The following MLLT6 variants were observed in gnomAD, a reference collection of about 807,000 sequenced individuals.
MLLT6 encodes the protein MLLT6, PHD finger containing.
In MLLT6, 22 loss-of-function variants were observed where a neutral mutation model predicts 103.0. The ratio of observed to expected loss-of-function variants is 0.21; its 90% CI spans 0.15 to 0.31. The LOEUF is 0.31. MLLT6 is among the 10% of genes least tolerant of loss of function. The pLI is 1.00. For synonymous variants in MLLT6, 606 were observed against 623.5 expected, an observed-to-expected ratio of 0.97 and a Z score of 0.42; for missense variants, 1,199 against 1,441.7, an observed-to-expected ratio of 0.83 and a Z score of 2.73.
chr17:38,714,736 T>TC (rs1905263527), intron 8 of MLLT6: 1 of 152,336 alleles, frequency 6.6e-6, no homozygotes, highest in Non-Finnish European at 1.5e-5. Context: ...AGAGTGAAAC[T>TC]CCATCTCAAA....
chr17:38,707,638 C>G, intron 3 of MLLT6, 98 bp downstream of exon 3: 1 of 1,366,664 alleles, frequency 7.3e-7, no homozygotes. Context: ...GGTTTCCTTT[C>G]CCTGGCTGGC....
Position 38,720,514 on chromosome 17 carries a change from T to TGCCCTGCCTGCC in MLLT6, c.2302_2313dup (p.Leu768_Ala771dup), listed in dbSNP as rs761548706. The TGCCCTGCCTGCC allele has an allele frequency of 3.1e-6, 5 of 1,612,274 alleles. No individual in the cohort carries two copies. Among genetic ancestry groups the TGCCCTGCCTGCC allele is most frequent in the Admixed American group, 1.7e-5 (1 of 59,864 alleles). On this transcript the variant is annotated inframe_insertion, in exon 15 of 20. Coordinates refer to ENST00000621332, the MANE Select transcript of MLLT6 (RefSeq NM_005937.4). ...CTGTGCCCTTCCCTGCCCTGCCTGCTGCCCTGCCTGCCGCCAACGGCCCTG... is the reference window on the plus strand; with the variant it reads ...CTGTGCCCTTCCCTGCCCTGCCTGCTGCCCTGCCTGCCGCCCTGCCTGCCGCCAACGGCCCTG...
Position 38,720,469 on chromosome 17 carries a change from G to A in MLLT6, c.2253G>A (p.Gln751=), listed in dbSNP as rs1208726378. ...LSLTAKKERL[Q]ILNVQLSVPF... is the part of the protein sequence containing the mutation. Reference sequence around the variant, plus strand: ...TGACGGCCAAAAAGGAGCGGCTGCAGATTCTCAACGTGCAGCTCTCTGTGC... The same window carrying A: ...TGACGGCCAAAAAGGAGCGGCTGCAAATTCTCAACGTGCAGCTCTCTGTGC... Residue 751 remains glutamine (Q), a synonymous_variant, in exon 15 of 20, where the codon CAG becomes CAA. Coordinates refer to ENST00000621332, the MANE Select transcript of MLLT6 (RefSeq NM_005937.4). 6.2e-7 allele frequency: 1 copy of A among 1,612,844 alleles called. No homozygotes were observed. Among genetic ancestry groups the A allele is most frequent in the East Asian group, 2.2e-5 (1 of 44,888 alleles).
intron 1 of MLLT6, 74 bp from the exon 2 acceptor site, chr17:38,706,876 G>A (rs1214987130): frequency 2.3e-6 from 3 of 1,317,866 alleles, no homozygotes; most frequent in South Asian, 2.6e-5. Context: ...TGGAGTCACC[G>A]CCTTCCCCCA....
At chr17:38,711,298 C>G (rs116975262) in intron 6 of MLLT6, among the ~76,000 whole-genome samples, 1 of 152,098 alleles carries the variant, frequency 6.6e-6, no homozygotes, top group African/African-American at 2.4e-5. Context: ...TAACTTCCCC[C>G]CTTTCTTCAA....
chr17:38,705,880 G>T, intron 1 of MLLT6, 139 bp downstream of exon 1: 1 of 303,376 alleles, frequency 3.3e-6, no homozygotes. Context: ...GGCGTAGGGG[G>T]AGCTCCCCCC....
chr17:38,728,550 G>A lies in MLLT6; in HGVS notation c.*2952G>A, dbSNP rs1450462725. ...GGAGGTGTGAGTGGGGGTGCATATA[G>A]AGGCAGTGCCTGCTGTGGGGTCACA... On this transcript the variant is annotated 3_prime_UTR_variant, in exon 20 of 20. Transcript: ENST00000621332. The A allele has an allele frequency of 8.6e-6, 2 of 233,456 alleles. No individual in the cohort carries two copies. The highest frequency in any genetic ancestry group is 2.2e-5 in the African/African-American group (1 of 45,358). 14.5% of individuals were successfully genotyped at this position (233,456 alleles called of 1,614,324 possible).
Position 38,705,562 on chromosome 17 carries a change from TCCCTCCCCCCTGACCCCCGACCCCCGCCG to T in MLLT6, c.-70_-42del. The T allele has an allele frequency of 2.5e-6, 1 of 404,186 alleles. No homozygotes were observed. Among genetic ancestry groups the T allele is most frequent in the Non-Finnish European group, 4.4e-6 (1 of 224,770 alleles). The allele number at this position is 404,186 out of a possible 1,614,324, so 25.0% of individuals were successfully genotyped here. ...AGGAGGCGCGCGGCCCCCCGCTCCC[TCCCTCCCCCCTGACCCCCGACCCCCGCCG>T]GCCGGCCCCCCGCCCCAGCCCCGGA... On this transcript the variant is annotated 5_prime_UTR_variant, in exon 1 of 20. Transcript: ENST00000621332.
rs189623569 is a variant in MLLT6 at position 38,728,185 on chromosome 17, C to T, written c.*2587C>T. ...GTGCAGCCCTCTTCTCCTCTTCCCC[C>T]CCACATCTCTCATGAGAGAGGTAGT... On this transcript the variant is annotated 3_prime_UTR_variant, in exon 20 of 20. Coordinates refer to ENST00000621332, the MANE Select transcript of MLLT6 (RefSeq NM_005937.4). 5 of 233,346 alleles carry T rather than the reference C, an allele frequency of 2.1e-5. No individual in the cohort carries two copies. Among genetic ancestry groups the T allele is most frequent in the Non-Finnish European group, 4.2e-5 (5 of 118,108 alleles). 14.5% of individuals were successfully genotyped at this position (233,346 alleles called of 1,614,324 possible).
In MLLT6 at chr17:38,712,737, C is replaced by T. The variant is rs1905186446; in HGVS notation, c.767C>T (p.Pro256Leu). 1 of 1,613,820 alleles carries T rather than the reference C, an allele frequency of 6.2e-7. No individual in the cohort carries two copies. The highest frequency in any genetic ancestry group is 8.5e-7 in the Non-Finnish European group (1 of 1,179,866). Residue 256 changes from proline (P) to leucine (L), a missense_variant, in exon 8 of 20, where the codon CCT (proline) becomes CTT (leucine). Coordinates refer to ENST00000621332, the MANE Select transcript of MLLT6 (RefSeq NM_005937.4). ...CTTAAGCAGAAGCACAAGAAGCGGC[C>T]TGAGTCGCCCCCCAGCATCCTCACC... ...ERLKQKHKKR[P>L]ESPPSILTPP...
At chr17:38,713,150 CG>C in intron 8 of MLLT6, 1 of 662,948 alleles carries the variant, frequency 1.5e-6, no homozygotes, top group Non-Finnish European at 2.8e-6. Context: ...ACATCCCCTA[CG>C]CCCCATCAGG....
At chr17:38,706,911 C>T (rs1383530211) in intron 1 of MLLT6, 39 bp from the exon 2 acceptor site, 1 of 1,563,608 alleles carries the variant, frequency 6.4e-7, no homozygotes. Flanking sequence ...AAGCCACTGG[C>T]TGACAGCTTT....
Position 38,728,454 on chromosome 17 carries a change from T to C in MLLT6, c.*2856T>C, listed in dbSNP as rs1170665674. 4.3e-6 allele frequency: 1 copy of C among 233,312 alleles called. No individual in the cohort carries two copies. Among genetic ancestry groups the C allele is most frequent in the Non-Finnish European group, 8.5e-6 (1 of 118,114 alleles). The allele number at this position is 233,312 out of a possible 1,614,324, so 14.5% of individuals were successfully genotyped here. A position where few individuals can be genotyped will look rare whatever the true frequency, so the allele number is the denominator to read the frequency against. The stretch of plus-strand genomic sequence containing the variant: ...GGAAACGCATGAGAGCAGAGCTTCG[T>C]GTGTTCCCACCCTCAGTGAGGAGGT... On this transcript the variant is annotated 3_prime_UTR_variant, in exon 20 of 20. Transcript: ENST00000621332.
chr17:38,726,565 A>G lies in MLLT6; in HGVS notation c.*967A>G, dbSNP rs1906043608. On this transcript the variant is annotated 3_prime_UTR_variant, in exon 20 of 20. Transcript: ENST00000621332. ...TCTCTGGGGGCATGAATGGTTAACA[A>G]ACACCAGAGCAGTACTCCAATATTG... 1 of 233,614 alleles carries G rather than the reference A, an allele frequency of 4.3e-6. No homozygotes were observed. The allele number at this position is 233,614 out of a possible 1,614,324, so 14.5% of individuals were successfully genotyped here.
Position 38,711,868 on chromosome 17 carries a change from G to A in MLLT6, c.574G>A (p.Gly192Arg), listed in dbSNP as rs201581348. ...GCAGAAGACATCCCGGCACAGCAGCGGGGGAGGCGGAGGAGGCGCTGGAGG... is the reference window on the plus strand; with the variant it reads ...GCAGAAGACATCCCGGCACAGCAGCAGGGGAGGCGGAGGAGGCGCTGGAGG... ...SKMKTSRHSS[G>R]GGGGGAGGGG... Residue 192 changes from glycine (G) to arginine (R), a missense_variant, in exon 7 of 20, where the codon GGG becomes AGG. Transcript: ENST00000621332. 310 of 1,585,006 alleles carry A rather than the reference G, an allele frequency of 2.0e-4. No homozygotes were observed. Among genetic ancestry groups the A allele is most frequent in the Non-Finnish European group, 2.5e-4 (292 of 1,165,752 alleles).
chr17:38,717,075 A>C, intron 10 of MLLT6, 94 bp downstream of exon 10: 1 of 1,536,120 alleles, frequency 6.5e-7, no homozygotes. Flanking sequence ...AATGGGATGG[A>C]TACCACTCCA....
Position 38,716,227 on chromosome 17 carries a change from C to A in MLLT6, c.1037-140C>A. On this transcript the variant is annotated intron_variant, in intron 9 of 19. Transcript: ENST00000621332. The surrounding 1 kb of genome is among the most constrained non-coding windows in gnomAD (Gnocchi z 5.6). ...GGGGTCGGGGGTACTCATCCCAGGA[C>A]ACAGACAGTGGCAGAGCTGAGACAG... 1.1e-6 allele frequency: 1 copy of A among 889,148 alleles called. No individual in the cohort carries two copies. The allele number at this position is 889,148 out of a possible 1,614,324, so 55.1% of individuals were successfully genotyped here.
At position 38,729,463 on chromosome 17, in the gene MLLT6, C is replaced by T. The variant is rs959391730; in HGVS notation, c.*3865C>T. 5.6e-5 allele frequency: 13 copies of T among 233,518 alleles called. No homozygotes were observed. The East Asian group carries it at 6.0e-4, about 11-fold the overall frequency. The allele number at this position is 233,518 out of a possible 1,614,324, so 14.5% of individuals were successfully genotyped here. On this transcript the variant is annotated 3_prime_UTR_variant, in exon 20 of 20. Transcript: ENST00000621332. Reference sequence around the variant, plus strand: ...TCCCCTTTGTTCACTTTCTCCAGCTCAACTTGGGACTTGGGTGGTGGGACT... The same window carrying T: ...TCCCCTTTGTTCACTTTCTCCAGCTTAACTTGGGACTTGGGTGGTGGGACT...
chr17:38,715,928 A>G (rs1317405210), intron 9 of MLLT6, 100 bp downstream of exon 9: 1 of 1,034,334 alleles, frequency 9.7e-7, no homozygotes, highest in Admixed American at 2.4e-5. Flanking sequence ...CATCTCATTT[A>G]CTTCTCCATT....
Sources: allele counts gnomAD v4.1 joint callset (sites outside exome capture counted in the v4.1 genomes callset), GRCh38; gene constraint gnomAD v4.1.1; non-coding constraint Gnocchi (gnomAD v3.1); transcripts MANE v1.5; gene names NCBI Gene and HGNC (gene_info 2026-07-23, HGNC 2026-07-21).